Variants in CACNA1E observed in about 807,000 individuals in gnomAD.
CACNA1E encodes the protein calcium voltage-gated channel subunit alpha1 E, also known as voltage-dependent R-type calcium channel subunit alpha-1E.
CACNA1E carries 40 observed loss-of-function variants against 259.2 expected under a neutral mutation model. The ratio of observed to expected loss-of-function variants is 0.15; its 90% confidence interval spans 0.12 to 0.20. The LOEUF (loss-of-function observed/expected upper bound fraction) is 0.20, where lower values mean the gene tolerates loss of function less well. Among genes scored for constraint, CACNA1E ranks in the 10% least tolerant of loss-of-function variants. The pLI, the probability that CACNA1E is intolerant of heterozygous loss-of-function variation, is 1.00. For synonymous variants in CACNA1E, 1,104 were observed against 1,138.5 expected, an observed-to-expected ratio of 0.97 and a Z score of 0.61; for missense variants, 1,874 against 3,040.1, an observed-to-expected ratio of 0.62 and a Z score of 9.02.
In CACNA1E at chr1:181,383,597, G is replaced by T. The variant is rs113421380; in HGVS notation, c.-14-29536G>T. Among the ~76,000 whole-genome samples, 1,138 of 152,302 alleles carry T rather than the reference G, an allele frequency of 7.5e-3. 17 individuals are homozygous for T. Among genetic ancestry groups the T allele is most frequent in the African/African-American group, 0.026 (1,080 of 41,548 alleles). Reference sequence around the variant, plus strand: ...AAATTTAAAACGGTCTGTGGGGAGAGACTCTCCTTTTAGGATCATCAATCT... The same window carrying T: ...AAATTTAAAACGGTCTGTGGGGAGATACTCTCCTTTTAGGATCATCAATCT... On this transcript the variant is annotated intron_variant, in intron 1 of 11. Coordinates refer to the CACNA1E transcript ENST00000524607.
At chr1:181,453,697 A>G (rs1010482280) in intron 2 of CACNA1E, among the ~76,000 whole-genome samples, 6 of 152,204 alleles carry the variant, frequency 3.9e-5, no homozygotes, top group Non-Finnish European at 8.8e-5. Context: ...CCAGAAGCCA[A>G]CTGGACAGAA....
At chr1:181,620,657 C>T (rs917224931) in intron 6 of CACNA1E, among the ~76,000 whole-genome samples, 2 of 152,112 alleles carry the variant, frequency 1.3e-5, no homozygotes, top group African/African-American at 4.8e-5. Flanking sequence ...TGGAGAGTTC[C>T]CTTAAGGAAC....
At chr1:181,505,555 T>A (rs1665637848) in intron 1 of CACNA1E, among the ~76,000 whole-genome samples, 1 of 152,086 alleles carries the variant, frequency 6.6e-6, no homozygotes, top group African/African-American at 2.4e-5. Flanking sequence ...GTATTTTTTT[T>A]AGTAGAGATG....
At chr1:181,749,363 C>T (rs1433391761) in intron 25 of CACNA1E, among the ~76,000 whole-genome samples, 1 of 152,182 alleles carries the variant, frequency 6.6e-6, no homozygotes, top group African/African-American at 2.4e-5. Flanking sequence ...AAGGCACTTC[C>T]TCCTGGGGCC....
chr1:181,755,569 C>T (rs1033157584), intron 28 of CACNA1E, among the ~76,000 whole-genome samples, 172 bp downstream of exon 28: 3 of 152,194 alleles, frequency 2.0e-5, no homozygotes, highest in African/African-American at 7.2e-5. Flanking sequence ...TCTTTTGTGT[C>T]AGACACGAAA....
intron 1 of CACNA1E, among the ~76,000 whole-genome samples, chr1:181,382,672 A>G (rs777711760): frequency 3.3e-5 from 5 of 152,196 alleles, no homozygotes; most frequent in Non-Finnish European, 5.9e-5. Context: ...TCTGCTCTGT[A>G]CAAATACCTT....
chr1:181,710,098 G>A (rs1402990168), intron 7 of CACNA1E, among the ~76,000 whole-genome samples: 3 of 151,884 alleles, frequency 2.0e-5, no homozygotes, highest in East Asian at 1.9e-4. Context: ...GTTGTCACAC[G>A]GAGTGGCATT....
At chr1:181,720,106 T>G in intron 13 of CACNA1E, 100 bp from the exon 14 acceptor site, 1 of 1,362,110 alleles carries the variant, frequency 7.3e-7, no homozygotes, top group South Asian at 1.3e-5. Context: ...AATATACAAA[T>G]GCAGCTTATT....
At chr1:181,581,449 T>C (rs1157298905) in intron 6 of CACNA1E, among the ~76,000 whole-genome samples, 2 of 152,198 alleles carry the variant, frequency 1.3e-5, no homozygotes, top group African/African-American at 4.8e-5. Context: ...CTGGAGATTC[T>C]AATTTTGTGT....
At chr1:181,762,468 A>G in intron 32 of CACNA1E, 106 bp from the exon 33 acceptor site, 1 of 708,286 alleles carries the variant, frequency 1.4e-6, no homozygotes, top group Admixed American at 2.4e-5. Context: ...TTAATTGACA[A>G]GTTTTATTTC....
intron 2 of CACNA1E, among the ~76,000 whole-genome samples, chr1:181,419,147 C>A (rs538564342): frequency 2.6e-4 from 39 of 152,300 alleles, no homozygotes; most frequent in African/African-American, 9.1e-4. Context: ...TAGTTTCTGT[C>A]CAAGAGTCTT....
chr1:181,621,409 T>C (rs1193173429), intron 6 of CACNA1E, among the ~76,000 whole-genome samples: 21 of 152,152 alleles, frequency 1.4e-4, no homozygotes, highest in Admixed American at 1.4e-3. Flanking sequence ...TCAGTATGGG[T>C]TAACAGAAAG....
Position 181,700,888 on chromosome 1 carries a change from C to T in CACNA1E, c.1056-10066C>T, listed in dbSNP as rs181803469. Reference sequence around the variant, plus strand: ...TTCCTTCCGCTCACTTCGAGTCTCTCCTCAGGAGCTCCCCCTGCTCCATTT... The same window carrying T: ...TTCCTTCCGCTCACTTCGAGTCTCTTCTCAGGAGCTCCCCCTGCTCCATTT... On this transcript the variant is annotated intron_variant, in intron 7 of 47. Coordinates refer to ENST00000367573, the MANE Select transcript of CACNA1E (RefSeq NM_001205293.3). Among the ~76,000 whole-genome samples the T allele has an allele frequency of 3.1e-3, 474 of 152,308 alleles. 4 individuals are homozygous for T. In the Middle Eastern group the frequency reaches 0.037, roughly 12 times the overall value.
intron 3 of CACNA1E, among the ~76,000 whole-genome samples, chr1:181,512,314 G>A (rs12034549): frequency 0.014 from 2,162 of 152,286 alleles, 74 homozygotes; most frequent in East Asian, 0.14. Context: ...CTTGGTACCT[G>A]CAAAGCTGGG....
At chr1:181,598,173 C>T (rs894121916) in intron 6 of CACNA1E, among the ~76,000 whole-genome samples, 2 of 152,230 alleles carry the variant, frequency 1.3e-5, no homozygotes, top group Non-Finnish European at 2.9e-5. Flanking sequence ...CGGCAATTCA[C>T]TTCAACTTAA....
At chr1:181,591,264 T>C (rs777613815) in intron 6 of CACNA1E, among the ~76,000 whole-genome samples, 13 of 152,242 alleles carry the variant, frequency 8.5e-5, no homozygotes, top group Non-Finnish European at 1.5e-4. Context: ...TATTTGAGCT[T>C]TGTGTAAATG....
Position 181,769,995 on chromosome 1 carries a change from G to C in CACNA1E, c.4882-1298G>C, listed in dbSNP as rs138223623. On this transcript the variant is annotated intron_variant, in intron 35 of 47. Coordinates refer to ENST00000367573, the MANE Select transcript of CACNA1E (RefSeq NM_001205293.3). The stretch of plus-strand genomic sequence containing the variant: ...ATTCTTCTCTGCTGCTGCCTCACTT[G>C]CCACCTCCATTCTCCCTGAGAGACA... Among the ~76,000 whole-genome samples the C allele has an allele frequency of 6.8e-4, 103 of 152,232 alleles. 1 individual carries two copies. Among genetic ancestry groups the C allele is most frequent in the Non-Finnish European group, 1.3e-3 (88 of 68,028 alleles).
rs779685713 is a variant in CACNA1E, at chr1:181,806,680, G to A, written c.*7846G>A. ...CGGATATCCTATAATATAGATGCTC[G>A]TTTGGATCCAAAAGGAAAACCATTA... On this transcript the variant is annotated 3_prime_UTR_variant, in exon 48 of 48. Transcript: ENST00000367573. 4.6e-5 allele frequency: 7 copies of A among 152,160 alleles called. No homozygotes were observed. The highest frequency in any genetic ancestry group is 7.3e-5 in the Non-Finnish European group (5 of 68,036). The allele number at this position is 152,160 out of a possible 1,614,324, so 9.4% of individuals were successfully genotyped here.
intron 1 of CACNA1E, among the ~76,000 whole-genome samples, chr1:181,381,084 T>G (rs1220744804): frequency 1.3e-5 from 2 of 151,968 alleles, no homozygotes; most frequent in Non-Finnish European, 2.9e-5. Context: ...GAGAATCGCT[T>G]GAACCCAGGA....
Sources: gnomAD v4.1 joint callset for allele counts (sites outside exome capture counted in the v4.1 genomes callset) on GRCh38, gnomAD v4.1.1 for gene constraint, MANE v1.5 for transcripts, NCBI Gene and HGNC (gene_info 2026-07-23, HGNC 2026-07-21) for gene names.